Variants in CBL observed in about 807,000 individuals in gnomAD.
CBL encodes the protein Cbl proto-oncogene.
In CBL, 45 loss-of-function variants were observed where a neutral mutation model predicts 96.9. The observed-to-expected ratio is 0.46, with a 90% CI of 0.37 to 0.60. CBL has a LOEUF of 0.60. Ranked by LOEUF, CBL falls within the 20% of genes least tolerant of loss-of-function variation. CBL has a pLI of 0.00. For synonymous variants in CBL, 420 were observed against 426.8 expected (o/e 0.98, Z 0.20); for missense variants, 1,024 against 1,143.5 (o/e 0.90, Z 1.51).
chr11:119,304,234 C>T lies in CBL; in HGVS notation c.*4453C>T, dbSNP rs182348076. The T allele has an allele frequency of 2.6e-5, 6 of 233,298 alleles. No homozygotes were observed. In the East Asian group the frequency reaches 3.6e-4, roughly 14 times the overall value. The allele number at this position is 233,298 out of a possible 1,614,324, so 14.5% of individuals were successfully genotyped here. A position where few individuals can be genotyped will look rare whatever the true frequency, so the allele number is the denominator to read the frequency against. On this transcript the variant is annotated 3_prime_UTR_variant, in exon 16 of 16. Coordinates refer to ENST00000264033, the MANE Select transcript of CBL (RefSeq NM_005188.4). ...GTAACTCAGCATAAACTATTACTATCACTCCTTTGAACTCAGTCTCCATGA... is the reference window on the plus strand; with the variant it reads ...GTAACTCAGCATAAACTATTACTATTACTCCTTTGAACTCAGTCTCCATGA...
intron 1 of CBL, among the ~76,000 whole-genome samples, chr11:119,227,968 G>T (rs1949471517): frequency 6.6e-6 from 1 of 151,930 alleles, no homozygotes; most frequent in Non-Finnish European, 1.5e-5. Flanking sequence ...TTTGTTGAAT[G>T]AATATGTTGA....
At chr11:119,286,941 G>T (rs1183210018) in intron 11 of CBL, among the ~76,000 whole-genome samples, 1 of 152,188 alleles carries the variant, frequency 6.6e-6, no homozygotes, top group African/African-American at 2.4e-5. Flanking sequence ...AGGGTATAGA[G>T]AAAGCTGGCA....
intron 12 of CBL, among the ~76,000 whole-genome samples, chr11:119,295,352 T>A (rs1369216180): frequency 6.6e-6 from 1 of 152,074 alleles, no homozygotes; most frequent in Non-Finnish European, 1.5e-5. Flanking sequence ...AATTCCTTAT[T>A]TCTACAGCTC....
intron 1 of CBL, among the ~76,000 whole-genome samples, chr11:119,210,185 C>T (rs1949305139): frequency 2.0e-5 from 3 of 152,106 alleles, no homozygotes; most frequent in African/African-American, 7.2e-5. Context: ...CCCAGGAATT[C>T]CAGACCAGCC....
In CBL at chr11:119,297,431, T is replaced by C; in HGVS notation, c.2201T>C (p.Met734Thr). Residue 734 changes from methionine (M) to threonine (T), a missense_variant, in exon 14 of 16, where the codon ATG becomes ACG. This residue lies in a region of CBL where 695 missense variants were observed against 661.6 expected (regional missense o/e 1.05). Coordinates refer to ENST00000264033, the MANE Select transcript of CBL (RefSeq NM_005188.4). ...ATTGATAGCTGTACGTATGAAGCAA[T>C]GTATAATATTCAGTCCCAGGCGCCA... is the stretch of plus-strand genomic sequence containing the variant. ...QQIDSCTYEA[M>T]YNIQSQAPSI... 1.2e-6 allele frequency: 2 copies of C among 1,613,872 alleles called. No individual in the cohort carries two copies. The highest frequency in any genetic ancestry group is 1.7e-6 in the Non-Finnish European group (2 of 1,179,944).
chr11:119,279,706 A>T (rs537440591), intron 9 of CBL, among the ~76,000 whole-genome samples: 4 of 152,296 alleles, frequency 2.6e-5, no homozygotes, highest in South Asian at 2.1e-4. Flanking sequence ...CTGTAAAAAA[A>T]TTTTTTTAAG....
At position 119,298,418 on chromosome 11, in the gene CBL, A is replaced by T. The variant is rs199788586; in HGVS notation, c.2312A>T (p.Asp771Val). The part of the protein sequence containing the change: ...NTGPEESENE[D>V]DGYDVPKPPV... ...GGTCCCGAGGAGTCAGAAAATGAGGATGATGGGTATGATGTCCCAAAGCCA... is the reference window on the plus strand; with the variant it reads ...GGTCCCGAGGAGTCAGAAAATGAGGTTGATGGGTATGATGTCCCAAAGCCA... Residue 771 changes from aspartate (D) to valine (V), a missense_variant, in exon 15 of 16, where the codon GAT (aspartate) becomes GTT (valine). Physicochemically the swap from Asp to Val is radical, Grantham distance 152. Coordinates refer to ENST00000264033, the MANE Select transcript of CBL (RefSeq NM_005188.4). The T allele has an allele frequency of 1.0e-4, 163 of 1,614,060 alleles. 1 individual carries two copies. Among genetic ancestry groups the T allele is most frequent in the Middle Eastern group, 8.2e-4 (5 of 6,084 alleles).
chr11:119,235,360 C>A (rs1359460910), intron 2 of CBL, among the ~76,000 whole-genome samples: 1 of 151,756 alleles, frequency 6.6e-6, no homozygotes, highest in African/African-American at 2.4e-5. Context: ...AGTGATCCGC[C>A]CGCCTTGGCC....
intron 12 of CBL, among the ~76,000 whole-genome samples, chr11:119,292,278 A>G (rs1467380067): frequency 6.6e-6 from 1 of 151,996 alleles, no homozygotes; most frequent in Non-Finnish European, 1.5e-5. Flanking sequence ...AACAGACTGA[A>G]TATTGCAGTC....
intron 1 of CBL, among the ~76,000 whole-genome samples, chr11:119,211,137 C>T (rs1348640825): frequency 2.6e-5 from 4 of 151,906 alleles, no homozygotes; most frequent in African/African-American, 9.7e-5. Flanking sequence ...TTTGGGAGGC[C>T]GAGGCAAGCG....
intron 2 of CBL, among the ~76,000 whole-genome samples, chr11:119,268,946 A>G (rs571210410): frequency 3.9e-5 from 6 of 152,342 alleles, no homozygotes; most frequent in South Asian, 2.1e-4. Flanking sequence ...TAGGTTCTCA[A>G]TAATCTAGTT....
At chr11:119,232,379 T>A (rs1949509850) in intron 1 of CBL, 69 bp from the exon 2 acceptor site, 6 of 1,563,164 alleles carry the variant, frequency 3.8e-6, no homozygotes, top group Non-Finnish European at 5.2e-6. Flanking sequence ...CATAACTTTC[T>A]TAAACTTAAA....
At chr11:119,235,123 CT>C (rs373137915) in intron 2 of CBL, among the ~76,000 whole-genome samples, 2 of 151,152 alleles carry the variant, frequency 1.3e-5, no homozygotes, top group African/African-American at 4.9e-5. Flanking sequence ...TATTTTTTTT[CT>C]TTTTTTTGAG....
At position 119,301,567 on chromosome 11, in the gene CBL, C is replaced by G. The variant is rs1051050009; in HGVS notation, c.*1786C>G. The G allele has an allele frequency of 4.3e-6, 1 of 233,290 alleles. No homozygotes were observed. Among genetic ancestry groups the G allele is most frequent in the East Asian group, 6.0e-5 (1 of 16,596 alleles). 14.5% of individuals were successfully genotyped at this position (233,290 alleles called of 1,614,324 possible). A position where few individuals can be genotyped will look rare whatever the true frequency, so the allele number is the denominator to read the frequency against. On this transcript the variant is annotated 3_prime_UTR_variant, in exon 16 of 16. Transcript: ENST00000264033. ...ATCATCTTTGGAACTAAAACTTGTTCTAACTCGTCTCTTGGCATTCAGCTA... is the reference window on the plus strand; with the variant it reads ...ATCATCTTTGGAACTAAAACTTGTTGTAACTCGTCTCTTGGCATTCAGCTA...
At chr11:119,233,453 C>T (rs951869605) in intron 2 of CBL, among the ~76,000 whole-genome samples, 2 of 152,074 alleles carry the variant, frequency 1.3e-5, no homozygotes, top group South Asian at 2.1e-4. Flanking sequence ...AGGCTGGTCT[C>T]GAACTCCTGA....
intron 2 of CBL, among the ~76,000 whole-genome samples, chr11:119,263,693 A>G (rs1316824131): frequency 6.6e-6 from 1 of 152,180 alleles, no homozygotes; most frequent in East Asian, 1.9e-4. Context: ...GCTTAAGTCG[A>G]TGATAAGAGT....
chr11:119,225,130 C>T (rs1365520771), intron 1 of CBL, among the ~76,000 whole-genome samples: 1 of 151,666 alleles, frequency 6.6e-6, no homozygotes, highest in African/African-American at 2.4e-5. Context: ...GAGTCTTGCT[C>T]TGTTGCCCAG....
chr11:119,301,375 T>A lies in CBL; in HGVS notation c.*1594T>A, dbSNP rs193152909. The A allele has an allele frequency of 1.9e-3, 451 of 233,274 alleles. 2 individuals are homozygous for A. The highest frequency in any genetic ancestry group is 0.012 in the South Asian group (67 of 5,532). The allele number at this position is 233,274 out of a possible 1,614,324, so 14.5% of individuals were successfully genotyped here. A position where few individuals can be genotyped will look rare whatever the true frequency, so the allele number is the denominator to read the frequency against. On this transcript the variant is annotated 3_prime_UTR_variant, in exon 16 of 16. Transcript: ENST00000264033. ...ATGATCCCTCGAGTTCAGTTAGTATTCTGTCCAGAGTGTTTAGCTCACTTT... is the reference window on the plus strand; with the variant it reads ...ATGATCCCTCGAGTTCAGTTAGTATACTGTCCAGAGTGTTTAGCTCACTTT...
chr11:119,257,003 TTA>T (rs1949717069), intron 2 of CBL, among the ~76,000 whole-genome samples: 4 of 152,260 alleles, frequency 2.6e-5, no homozygotes, highest in Admixed American at 1.3e-4. Context: ...GTTCCATATC[TTA>T]CAGTTGTGCA....
Sources: allele counts gnomAD v4.1 joint callset (sites outside exome capture counted in the v4.1 genomes callset), GRCh38; gene constraint gnomAD v4.1.1; regional missense constraint gnomAD v4.1.1; transcripts MANE v1.5; gene names NCBI Gene and HGNC (gene_info 2026-07-23, HGNC 2026-07-21).